VRK2: variants seen among roughly 807,000 people sequenced by gnomAD.
VRK2 encodes the protein VRK serine/threonine kinase 2.
VRK2 carries 60 observed loss-of-function variants against 57.6 expected under a neutral mutation model. The ratio of observed to expected loss-of-function variants is 1.04; its 90% CI spans 0.85 to 1.29. The LOEUF (loss-of-function observed/expected upper bound fraction) is 1.29, where lower values mean the gene tolerates loss of function less well. Among genes scored for constraint, VRK2 ranks in the 50% most tolerant of loss-of-function variants. The pLI, the probability that VRK2 is intolerant of heterozygous loss-of-function variation, is 0.00. For synonymous variants in VRK2, 231 were observed against 199.2 expected (o/e 1.16, Z -1.35); for missense variants, 705 against 588.1 (o/e 1.20, Z -2.06).
At chr2:57,967,021 T>C (rs185829077) in intron 1 of VRK2, among the ~76,000 whole-genome samples, 2 of 152,156 alleles carry the variant, frequency 1.3e-5, no homozygotes, top group African/African-American at 4.8e-5. Flanking sequence ...ATATTTGGAA[T>C]TCAGAGAAAA....
chr2:58,133,254 TATTATTTTACATGTATAATGCTA>T, intron 9 of VRK2, among the ~76,000 whole-genome samples: 1 of 152,108 alleles, frequency 6.6e-6, no homozygotes, highest in Admixed American at 6.5e-5. Flanking sequence ...CATATAAAAT[TATTATTTTACATGTATAATGCTA>T]ATAAATCAAG....
At chr2:58,057,567 A>C (rs929430299) in intron 2 of VRK2, among the ~76,000 whole-genome samples, 2 of 152,144 alleles carry the variant, frequency 1.3e-5, no homozygotes, top group Non-Finnish European at 2.9e-5. Flanking sequence ...AGCAAGTATA[A>C]ACGTTTGTGG....
At chr2:57,971,845 T>A (rs911746788) in intron 1 of VRK2, among the ~76,000 whole-genome samples, 10 of 151,882 alleles carry the variant, frequency 6.6e-5, no homozygotes, top group Non-Finnish European at 1.3e-4. Flanking sequence ...AAAACAAAAA[T>A]GCTTCAACTC....
chr2:58,047,283 C>T, intron 1 of VRK2: 1 of 399,990 alleles, frequency 2.5e-6, no homozygotes, highest in Non-Finnish European at 3.4e-6. Flanking sequence ...TCAGGGGCCG[C>T]GGCGGGGTTG....
At chr2:58,137,933 T>TTGGCTTACC (rs1680782772) in intron 10 of VRK2, among the ~76,000 whole-genome samples, 1 of 152,036 alleles carries the variant, frequency 6.6e-6, no homozygotes, top group South Asian at 2.1e-4. Flanking sequence ...AGGTTTGTAA[T>TTGGCTTACC]AATAAATTTA....
intron 1 of VRK2, among the ~76,000 whole-genome samples, chr2:57,938,802 G>C (rs907409038): frequency 1.4e-5 from 2 of 143,036 alleles, no homozygotes; most frequent in African/African-American, 5.4e-5. Flanking sequence ...ATGTATCTCT[G>C]AGTTCATTTT....
chr2:58,003,007 A>G (rs1017364243), intron 1 of VRK2, among the ~76,000 whole-genome samples: 8 of 152,212 alleles, frequency 5.3e-5, no homozygotes, highest in African/African-American at 1.7e-4. Context: ...AAAATTAGTT[A>G]ATGATTCTAG....
intron 10 of VRK2, among the ~76,000 whole-genome samples, chr2:58,136,973 T>TTATATATCATATATATGTG (rs1680238858): frequency 7.4e-6 from 1 of 134,958 alleles, no homozygotes; most frequent in Non-Finnish European, 1.5e-5. Context: ...ATATCATATA[T>TTATATATCATATATATGTG]TATATATCAT....
chr2:58,142,734 A>C (rs1027176460), intron 11 of VRK2, among the ~76,000 whole-genome samples: 3 of 151,920 alleles, frequency 2.0e-5, no homozygotes, highest in African/African-American at 7.2e-5. Context: ...TGTTAAAGCC[A>C]AGATGGAAAA....
intron 2 of VRK2, among the ~76,000 whole-genome samples, chr2:58,067,370 C>G (rs1309762523): frequency 6.6e-6 from 1 of 152,124 alleles, no homozygotes; most frequent in African/African-American, 2.4e-5. Flanking sequence ...CTATATACAT[C>G]TATTAATTCT....
chr2:58,116,988 G>A (rs142286444), intron 7 of VRK2, among the ~76,000 whole-genome samples: 2,182 of 152,264 alleles, frequency 0.014, 52 homozygotes, highest in African/African-American at 0.049. Flanking sequence ...GTGGAGGCAA[G>A]GAGTTGCAAC....
At chr2:58,096,395 G>T (rs113592812) in intron 7 of VRK2, among the ~76,000 whole-genome samples, 1 of 152,084 alleles carries the variant, frequency 6.6e-6, no homozygotes, top group Non-Finnish European at 1.5e-5. Flanking sequence ...GCTTTTCTGC[G>T]TGGTAGTTCT....
intron 7 of VRK2, among the ~76,000 whole-genome samples, chr2:58,107,596 G>T (rs1674939531): frequency 1.3e-5 from 2 of 152,150 alleles, no homozygotes. Context: ...GTACAAAATT[G>T]TCTAAATTAT....
At chr2:58,051,403 A>C (rs1396984982) in intron 2 of VRK2, among the ~76,000 whole-genome samples, 2 of 152,130 alleles carry the variant, frequency 1.3e-5, no homozygotes, top group Admixed American at 6.5e-5. Flanking sequence ...AAGTGATGCT[A>C]ATGAATCATA....
At chr2:57,961,267 G>A (rs1671749522) in intron 1 of VRK2, among the ~76,000 whole-genome samples, 2 of 152,186 alleles carry the variant, frequency 1.3e-5, no homozygotes, top group African/African-American at 4.8e-5. Flanking sequence ...GATGCTTCAT[G>A]CAGTTATCTG....
At chr2:58,108,501 CCTTTCTTT>C (rs940954805) in intron 7 of VRK2, among the ~76,000 whole-genome samples, 1 of 151,964 alleles carries the variant, frequency 6.6e-6, no homozygotes, top group Non-Finnish European at 1.5e-5. Context: ...CTGATGCAAA[CCTTTCTTT>C]CTTTCTTTCT....
chr2:58,135,229 T>C, intron 10 of VRK2, 30 bp downstream of exon 10: 1 of 1,612,304 alleles, frequency 6.2e-7, no homozygotes, highest in Non-Finnish European at 8.5e-7. Context: ...CAACCTTCTC[T>C]TACGATTTAC....
chr2:57,916,266 C>T (rs1215362729), intron 1 of VRK2, among the ~76,000 whole-genome samples: 1 of 151,900 alleles, frequency 6.6e-6, no homozygotes, highest in African/African-American at 2.4e-5. Flanking sequence ...ATTAGCCAAG[C>T]ATGGTGGCAC....
chr2:58,159,455 A>G lies in VRK2; in HGVS notation c.1289A>G (p.Tyr430Cys). Reference sequence around the variant, plus strand: ...TATACACAATTCCCAAACTCATTTTATGAGCCTCATCAAGATTTTACCAGT... The same window carrying G: ...TATACACAATTCCCAAACTCATTTTGTGAGCCTCATCAAGATTTTACCAGT... The part of the protein sequence containing the change: ...ISYTQFPNSF[Y>C]EPHQDFTSPD... The change falls in exon 13 of 13, where the codon TAT becomes TGT. Residue 430 changes from tyrosine (Y) to cysteine (C), a missense_variant. Coordinates refer to ENST00000340157, the MANE Select transcript of VRK2 (RefSeq NM_006296.7). The G allele has an allele frequency of 6.2e-7, 1 of 1,613,690 alleles. No individual in the cohort carries two copies. Among genetic ancestry groups the G allele is most frequent in the Non-Finnish European group, 8.5e-7 (1 of 1,179,740 alleles).
Sources: allele counts gnomAD v4.1 joint callset (sites outside exome capture counted in the v4.1 genomes callset), GRCh38; gene constraint gnomAD v4.1.1; transcripts MANE v1.5; gene names NCBI Gene and HGNC (gene_info 2026-07-23, HGNC 2026-07-21).